The following MYBL2 variants were observed in gnomAD, a reference collection of about 807,000 sequenced individuals.
MYBL2 encodes MYB proto-oncogene like 2, also known as myb-related protein B.
Under a neutral mutation model 79.9 loss-of-function variants are expected in MYBL2, and 28 were observed. The observed-to-expected ratio is 0.35, with a 90% CI of 0.26 to 0.48. The LOEUF (loss-of-function observed/expected upper bound fraction) is 0.48, where lower values mean the gene tolerates loss of function less well. Among genes scored for constraint, MYBL2 ranks in the 20% least tolerant of loss-of-function variants. The pLI, the probability that MYBL2 is intolerant of heterozygous loss-of-function variation, is 0.99. For synonymous variants in MYBL2, 378 were observed against 361.2 expected, an observed-to-expected ratio of 1.05 and a Z score of -0.53; for missense variants, 735 against 893.9, an observed-to-expected ratio of 0.82 and a Z score of 2.27.
In MYBL2 at chr20:43,683,168, G is replaced by A. The variant is rs1109783; in HGVS notation, c.279+282G>A. 3.8e-3 allele frequency among the ~76,000 whole-genome samples: 578 copies of A among 152,294 alleles called. 4 individuals carry two copies. Among genetic ancestry groups the A allele is most frequent in the South Asian group, 0.011 (55 of 4,826 alleles). On this transcript the variant is annotated intron_variant, in intron 4 of 13. Coordinates refer to ENST00000217026, the MANE Select transcript of MYBL2 (RefSeq NM_002466.4). Reference sequence around the variant, plus strand: ...TGGAGGGGAGCAGTAGCAGTGCAGCGTTGTCATGAGAATTAAGCAGGTGAT... The same window carrying A: ...TGGAGGGGAGCAGTAGCAGTGCAGCATTGTCATGAGAATTAAGCAGGTGAT...
intron 1 of MYBL2, among the ~76,000 whole-genome samples, chr20:43,672,137 G>C (rs781490004): frequency 2.8e-5 from 2 of 71,800 alleles, no homozygotes; most frequent in Non-Finnish European, 6.4e-5. Flanking sequence ...CCTGAACCTG[G>C]GGGGCAGAGG....
chr20:43,683,486 A>G (rs1204265625), intron 4 of MYBL2, among the ~76,000 whole-genome samples: 2 of 151,668 alleles, frequency 1.3e-5, no homozygotes, highest in African/African-American at 4.8e-5. Flanking sequence ...ATACCAGCCC[A>G]GAGGATGCCA....
At position 43,686,992 on chromosome 20, in the gene MYBL2, G is replaced by T; in HGVS notation, c.420G>T (p.Glu140Asp). The T allele has an allele frequency of 1.2e-6, 2 of 1,614,102 alleles. No homozygotes were observed. The highest frequency in any genetic ancestry group is 3.3e-4 in the Middle Eastern group (2 of 5,986). ...NPEVKKSCWTEEEDRIICEAH... is the reference protein window; with the variant it reads ...NPEVKKSCWTDEEDRIICEAH... ...AGGTGAAGAAGTCTTGCTGGACCGA[G>T]GAGGAGGACCGCATCATCTGCGAGG... is the stretch of plus-strand genomic sequence containing the variant. The change falls in exon 5 of 14, where the codon GAG (glutamate) becomes GAT (aspartate). Residue 140 changes from glutamate (E) to aspartate (D), a missense_variant. Physicochemically the swap from Glu to Asp is conservative, Grantham distance 45 (BLOSUM62 2). Around this residue, in one of 5 missense-constraint regions of MYBL2, gnomAD observed 65 missense variants for 145.2 expected, o/e 0.45. Coordinates refer to ENST00000217026, the MANE Select transcript of MYBL2 (RefSeq NM_002466.4).
At chr20:43,673,624 T>G in intron 1 of MYBL2, 182 bp from the exon 2 acceptor site, 1 of 692,024 alleles carries the variant, frequency 1.4e-6, no homozygotes, top group Non-Finnish European at 2.7e-6. Context: ...AGTGACAGAG[T>G]GAGACCCTGT....
At chr20:43,670,471 A>G (rs1297829593) in intron 1 of MYBL2, among the ~76,000 whole-genome samples, 2 of 152,166 alleles carry the variant, frequency 1.3e-5, no homozygotes, top group Non-Finnish European at 2.9e-5. Flanking sequence ...GGCCTAAAAA[A>G]TTTAATTAGT....
chr20:43,704,946 T>C (rs571735498), intron 8 of MYBL2, among the ~76,000 whole-genome samples: 1 of 152,282 alleles, frequency 6.6e-6, no homozygotes, highest in South Asian at 2.1e-4. Context: ...TCCTGTGCCT[T>C]AACTGCGTCG....
rs149981712 is a variant in MYBL2 at position 43,715,038 on chromosome 20, G to T, written c.1825-96G>T. 4.9e-4 allele frequency: 705 copies of T among 1,435,766 alleles called. No homozygotes were observed. Among genetic ancestry groups the T allele is most frequent in the Non-Finnish European group, 6.6e-4 (678 of 1,033,396 alleles). The allele number at this position is 1,435,766 out of a possible 1,614,324, so 88.9% of individuals were successfully genotyped here. ...GTGTATCCTCTTTCAGGTCTCAGCA[G>T]CCAGGTGGTGGTGCTGGGGTGGGAT... On this transcript the variant is annotated intron_variant, in intron 12 of 13. Transcript: ENST00000217026.
intron 1 of MYBL2, among the ~76,000 whole-genome samples, chr20:43,672,027 G>A (rs1986872379): frequency 6.6e-6 from 1 of 150,966 alleles, no homozygotes; most frequent in African/African-American, 2.4e-5. Context: ...GGCCAAGATG[G>A]TGAAACCCTG....
In MYBL2 at chr20:43,677,695, C is replaced by T. The variant is rs1488320265; in HGVS notation, c.114+3796C>T. Among the ~76,000 whole-genome samples the T allele has an allele frequency of 1.7e-4, 26 of 150,982 alleles. No individual in the cohort carries two copies. The East Asian group carries it at 3.7e-3, about 22-fold the overall frequency. On this transcript the variant is annotated intron_variant, in intron 2 of 13. Transcript: ENST00000217026. ...GGGAGGGAGGTGGGGGGGTCAGCCC[C>T]CTGCCTGGCCAGCCACCCCGTCCGG... is the stretch of plus-strand genomic sequence containing the variant.
At chr20:43,680,226 C>T (rs1987112497) in intron 2 of MYBL2, among the ~76,000 whole-genome samples, 1 of 152,034 alleles carries the variant, frequency 6.6e-6, no homozygotes, top group African/African-American at 2.4e-5. Flanking sequence ...CGAACTTTCA[C>T]CATGTTGGCC....
At chr20:43,705,476 AC>A in intron 9 of MYBL2, 118 bp downstream of exon 9, 3 of 1,220,226 alleles carry the variant, frequency 2.5e-6, no homozygotes, top group Non-Finnish European at 3.2e-6. Context: ...AACACTGAAG[AC>A]TGTTTTAAGA....
At chr20:43,692,788 A>T (rs1036887483) in intron 6 of MYBL2, among the ~76,000 whole-genome samples, 2 of 152,158 alleles carry the variant, frequency 1.3e-5, no homozygotes, top group African/African-American at 4.8e-5. Context: ...ATTAAAAAAA[A>T]TTAAAAAATG....
intron 1 of MYBL2, among the ~76,000 whole-genome samples, chr20:43,668,315 C>T (rs1299102014): frequency 1.3e-5 from 2 of 151,092 alleles, no homozygotes; most frequent in African/African-American, 4.9e-5. Flanking sequence ...ATTCTCCTGC[C>T]TCAGCTTCCC....
Position 43,687,194 on chromosome 20 carries a change from G to A in MYBL2, c.500+122G>A, listed in dbSNP as rs1460094344. 10 of 981,314 alleles carry A rather than the reference G, an allele frequency of 1.0e-5. No individual in the cohort carries two copies. The East Asian group carries it at 1.6e-4, about 16-fold the overall frequency. 60.8% of individuals were successfully genotyped at this position (981,314 alleles called of 1,614,324 possible). A position where few individuals can be genotyped will look rare whatever the true frequency, so the allele number is the denominator to read the frequency against. On this transcript the variant is annotated intron_variant, in intron 5 of 13. Transcript: ENST00000217026. ...CTCTTGTTCTGTAACACCCAGCCTC[G>A]GCTCCAGGGCTCCCAGAGGCATGCA... is the stretch of plus-strand genomic sequence containing the variant.
intron 6 of MYBL2, among the ~76,000 whole-genome samples, chr20:43,696,282 C>T (rs2145724083): frequency 6.6e-6 from 1 of 152,012 alleles, no homozygotes; most frequent in East Asian, 1.9e-4. Context: ...CTCTTGTTGC[C>T]CAGGCTGGAG....
intron 2 of MYBL2, among the ~76,000 whole-genome samples, chr20:43,679,071 G>T (rs2145711537): frequency 6.6e-6 from 1 of 152,132 alleles, no homozygotes; most frequent in South Asian, 2.1e-4. Flanking sequence ...TTGTCAGGGA[G>T]AGTGGTGGTG....
intron 10 of MYBL2, among the ~76,000 whole-genome samples, chr20:43,711,132 A>G (rs975798909): frequency 3.9e-5 from 6 of 151,996 alleles, no homozygotes; most frequent in Admixed American, 3.3e-4. Flanking sequence ...CTGGGCTTTG[A>G]GCTGTCGGGG....
At chr20:43,682,702 C>G (rs943255080) in intron 3 of MYBL2, 92 bp from the exon 4 acceptor site, 1 of 1,171,108 alleles carries the variant, frequency 8.5e-7, no homozygotes, top group African/African-American at 1.5e-5. Flanking sequence ...AGTCCCAGGC[C>G]ATAGGCCCCT....
chr20:43,705,468 C>T (rs2145730887), intron 9 of MYBL2, 110 bp downstream of exon 9: 2 of 1,256,278 alleles, frequency 1.6e-6, no homozygotes, highest in East Asian at 5.9e-5. Flanking sequence ...CTTGGAATAA[C>T]ACTGAAGACT....
Sources: allele counts gnomAD v4.1 joint callset (sites outside exome capture counted in the v4.1 genomes callset), GRCh38; gene constraint gnomAD v4.1.1; regional missense constraint gnomAD v4.1.1; transcripts MANE v1.5; gene names NCBI Gene and HGNC (gene_info 2026-07-23, HGNC 2026-07-21).